Variants in SORBS2 observed in about 807,000 individuals in gnomAD.
The protein encoded by SORBS2 is sorbin and SH3 domain containing 2.
In SORBS2, 46 loss-of-function variants were observed where a neutral mutation model predicts 97.7. The observed-to-expected ratio is 0.47, with a 90% CI of 0.37 to 0.60. The LOEUF is 0.60. Ranked by LOEUF, SORBS2 falls within the 20% of genes least tolerant of loss-of-function variation. The probability of loss-of-function intolerance (pLI) is 0.00; values close to 1 mark genes in which losing one functional copy is unlikely to be tolerated. For missense variants in SORBS2, 1,316 were observed against 1,282.3 expected (o/e 1.03, Z -0.40); for synonymous variants, 476 against 473.4 (o/e 1.01, Z -0.07).
intron 6 of SORBS2, among the ~76,000 whole-genome samples, chr4:185,625,484 A>G (rs1457242500): frequency 6.6e-6 from 1 of 152,244 alleles, no homozygotes; most frequent in Non-Finnish European, 1.5e-5. Flanking sequence ...AATTCTTTAA[A>G]AGTAGATAAG....
chr4:185,731,866 C>CTATATATATATATATA (rs544211866), intron 2 of SORBS2, among the ~76,000 whole-genome samples: 1 of 24,692 alleles, frequency 4.0e-5, no homozygotes, highest in Non-Finnish European at 6.7e-5. Context: ...CTCTCTCTCT[C>CTATATATATATATATA]TATATATATA....
Position 185,625,071 on chromosome 4 carries a change from A to G in SORBS2, c.635-577T>C, listed in dbSNP as rs2096788135. On this transcript the variant is annotated intron_variant, in intron 6 of 14. Coordinates refer to ENST00000418609, the Ensembl canonical transcript of SORBS2. ...AGGCAAAGTATTCTCCAAAATTGCA[A>G]AATCAAAATGCTGTGAACTATTGCT... Among the ~76,000 whole-genome samples the G allele has an allele frequency of 2.6e-5, 4 of 152,240 alleles. No homozygotes were observed. The South Asian group carries it at 6.2e-4, about 24-fold the overall frequency.
chr4:185,742,812 C>T (rs752298047), intron 2 of SORBS2, among the ~76,000 whole-genome samples: 26 of 152,308 alleles, frequency 1.7e-4, no homozygotes, highest in Non-Finnish European at 3.1e-4. Flanking sequence ...AGATTCTGGG[C>T]GTGTCCTAAG....
chr4:185,860,609 C>T (rs1044802579), intron 1 of SORBS2, among the ~76,000 whole-genome samples: 1 of 152,132 alleles, frequency 6.6e-6, no homozygotes, highest in African/African-American at 2.4e-5. Flanking sequence ...TCAGGGGGTC[C>T]TGAGGACATG....
intron 2 of SORBS2, chr4:185,774,034 T>C (rs765268880): frequency 6.6e-6 from 1 of 151,970 alleles, no homozygotes; most frequent in Non-Finnish European, 1.5e-5. Flanking sequence ...GATCCTTATG[T>C]GGTTAAAATG....
intron 2 of SORBS2, 103 bp from the exon 6 acceptor site, chr4:185,678,925 T>C (rs2097834442): frequency 2.0e-5 from 12 of 592,408 alleles, no homozygotes; most frequent in Non-Finnish European, 8.2e-6. Context: ...TTTGCAAACA[T>C]TATTTCAGTT....
At chr4:185,892,774 T>C (rs1283016743) in intron 1 of SORBS2, among the ~76,000 whole-genome samples, 2 of 152,088 alleles carry the variant, frequency 1.3e-5, no homozygotes, top group East Asian at 3.9e-4. Context: ...TAGGGTGAGG[T>C]GGCCAGTTAT....
intron 1 of SORBS2, among the ~76,000 whole-genome samples, chr4:185,920,914 C>T (rs938530837): frequency 2.0e-5 from 3 of 152,140 alleles, no homozygotes; most frequent in Admixed American, 2.0e-4. Flanking sequence ...CATCAAAATG[C>T]TTTTCAGTGA....
At chr4:185,796,536 G>A (rs113773211) in intron 1 of SORBS2, among the ~76,000 whole-genome samples, 27 of 77,408 alleles carry the variant, frequency 3.5e-4, no homozygotes, top group South Asian at 1.6e-3. Flanking sequence ...CCCTGGTCAC[G>A]GTGGGGCTGG....
At chr4:185,900,698 G>A (rs2099247246) in intron 1 of SORBS2, among the ~76,000 whole-genome samples, 1 of 152,154 alleles carries the variant, frequency 6.6e-6, no homozygotes, top group South Asian at 2.1e-4. Context: ...GATTAGATGA[G>A]TTGGAAGAAA....
chr4:185,838,480 G>T (rs1230838006), intron 1 of SORBS2, among the ~76,000 whole-genome samples: 1 of 152,190 alleles, frequency 6.6e-6, no homozygotes, highest in African/African-American at 2.4e-5. Flanking sequence ...AGGAGAGGGG[G>T]AATTGACACT....
chr4:185,862,239 C>T (rs995271644), intron 1 of SORBS2, among the ~76,000 whole-genome samples: 45 of 152,174 alleles, frequency 3.0e-4, no homozygotes, highest in African/African-American at 1.1e-3. Context: ...ACTACAGATC[C>T]GGTGTGAAGG....
At chr4:185,683,964 T>C (rs922794153) in intron 2 of SORBS2, among the ~76,000 whole-genome samples, 1 of 152,150 alleles carries the variant, frequency 6.6e-6, no homozygotes, top group African/African-American at 2.4e-5. Context: ...CCATTAATCT[T>C]ATAAATAAAA....
At position 185,592,584 on chromosome 4, in the gene SORBS2, C is replaced by G. The variant is rs1209847380; in HGVS notation, c.2846+1302G>C. On this transcript the variant is annotated intron_variant, in intron 13 of 14. Transcript: ENST00000418609. ...TTTGTTTGTTTGTTTGAGACAGGGT[C>G]TTGCTCTGTTGCCCAGGCTGGAGTG... Among the ~76,000 whole-genome samples, 5 of 152,188 alleles carry G rather than the reference C, an allele frequency of 3.3e-5. 1 individual carries two copies. Among genetic ancestry groups the G allele is most frequent in the African/African-American group, 1.2e-4 (5 of 41,450 alleles).
rs1163250680 is a variant in SORBS2 at position 185,731,858 on chromosome 4, CTCTCTCTCTATATATATATATATA to C, written c.-198+43345_-198+43368del. Among the ~76,000 whole-genome samples the C allele has an allele frequency of 1.7e-3, 62 of 36,088 alleles. 1 individual carries two copies. The highest frequency in any genetic ancestry group is 6.4e-3 in the African/African-American group (55 of 8,592). 23.7% of individuals were successfully genotyped at this position (36,088 alleles called of 152,430 possible). Reference sequence around the variant, plus strand: ...TCTCTCTCTCTCTCTCTCTCTCTCTCTCTCTCTCTATATATATATATATATATATATATATATATATATATATAT... The same window carrying C: ...TCTCTCTCTCTCTCTCTCTCTCTCTCTATATATATATATATATATATATAT... On this transcript the variant is annotated intron_variant, in intron 2 of 20. Coordinates refer to the SORBS2 transcript ENST00000284776.
rs377171361 is a variant in SORBS2 at position 185,747,990 on chromosome 4, CA to C, written c.-198+27236del. ...TGGGTAACAGAGTGAGACTCAGTTT[CA>C]AAAAAAAAACAAGGTCTTTGCTGCT... On this transcript the variant is annotated intron_variant, in intron 2 of 20. Coordinates refer to the SORBS2 transcript ENST00000284776. Among the ~76,000 whole-genome samples the C allele has an allele frequency of 8.1e-4, 119 of 147,168 alleles. 3 individuals are homozygous for C. The highest frequency in any genetic ancestry group is 2.8e-3 in the African/African-American group (112 of 40,226).
chr4:185,817,533 C>T (rs1252225998), intron 1 of SORBS2, among the ~76,000 whole-genome samples: 1 of 152,198 alleles, frequency 6.6e-6, no homozygotes, highest in Non-Finnish European at 1.5e-5. Context: ...CTCCCATGAC[C>T]TTTCCCACTT....
At chr4:185,635,396 G>A in intron 4 of SORBS2, 1 of 1,613,866 alleles carries the variant, frequency 6.2e-7, no homozygotes, top group Non-Finnish European at 8.5e-7. Flanking sequence ...ACATAGTCCA[G>A]AGGCTTTTTA....
intron 2 of SORBS2, among the ~76,000 whole-genome samples, chr4:185,744,832 T>C (rs1255929780): frequency 1.3e-5 from 2 of 152,250 alleles, no homozygotes; most frequent in African/African-American, 4.8e-5. Context: ...CAGACTTCCC[T>C]GAAATTGTGA....
Sources: allele counts gnomAD v4.1 joint callset (sites outside exome capture counted in the v4.1 genomes callset), GRCh38; gene constraint gnomAD v4.1.1; transcripts MANE v1.5; gene names NCBI Gene and HGNC (gene_info 2026-07-23, HGNC 2026-07-21).